Variants in KIFC3 observed in about 807,000 individuals in gnomAD.
KIFC3 encodes the protein kinesin-like protein KIFC3.
A neutral mutation model predicts 101.8 loss-of-function variants in KIFC3; 60 were observed. That is an observed-to-expected ratio of 0.59 (90% CI 0.48 to 0.73). KIFC3 has a LOEUF of 0.73. Ranked by LOEUF, KIFC3 falls within the 30% of genes least tolerant of loss-of-function variation. The pLI, the probability that KIFC3 is intolerant of heterozygous loss-of-function variation, is 0.00. For missense variants in KIFC3, 966 were observed against 1,137.1 expected (o/e 0.85, Z 2.16); for synonymous variants, 476 against 482.7 (o/e 0.99, Z 0.18).
At position 57,855,960 on chromosome 16, in the gene KIFC3, AC is replaced by A. The variant is rs1290704080; in HGVS notation, c.108+6768del. Among the ~76,000 whole-genome samples, 303 of 140,980 alleles carry A rather than the reference AC, an allele frequency of 2.1e-3. 2 individuals carry two copies. The highest frequency in any genetic ancestry group is 7.4e-3 in the African/African-American group (290 of 39,016). The allele number at this position is 140,980 out of a possible 152,430, so 92.5% of individuals were successfully genotyped here. A position where few individuals can be genotyped will look rare whatever the true frequency, so the allele number is the denominator to read the frequency against. ...GACTCCATCTCAAAAAAAAAAAAAA[AC>A]CAAAAACAAAAACAAACTAACAATA... On this transcript the variant is annotated intron_variant, in intron 1 of 2. Transcript: ENST00000563028.
intron 2 of KIFC3, among the ~76,000 whole-genome samples, chr16:57,795,799 T>C (rs1233157120): frequency 2.6e-5 from 4 of 151,222 alleles, no homozygotes; most frequent in Admixed American, 6.6e-5. Flanking sequence ...GCCACTACCC[T>C]GGGGCGTAAC....
At chr16:57,808,072 C>G (rs1272936399), upstream of KIFC3, 1 of 151,934 alleles carries the variant, frequency 6.6e-6, no homozygotes, top group Non-Finnish European at 1.5e-5. Flanking sequence ...TCCCCTAACT[C>G]TCAGTTTAGG....
intron 3 of KIFC3, among the ~76,000 whole-genome samples, chr16:57,784,916 A>T (rs370258185): frequency 2.0e-5 from 3 of 152,346 alleles, no homozygotes; most frequent in East Asian, 3.9e-4. Context: ...GAAGGAGACA[A>T]CGCTGACCTG....
rs1555608017 is a variant in KIFC3, at chr16:57,771,314, G to A, written c.649C>T (p.Leu217=). Reference sequence around the variant, plus strand: ...TCAGCCAGGCAGTCCTTGAGTCGCAGCTCCACCTCAGCCAGCCGGTCGGTC... The same window carrying A: ...TCAGCCAGGCAGTCCTTGAGTCGCAACTCCACCTCAGCCAGCCGGTCGGTC... ...QKTDRLAEVE[L]RLKDCLAEKA... The change falls in exon 6 of 20, where the codon CTG becomes TTG. Residue 217 remains leucine, a synonymous_variant. Transcript: ENST00000445690. 6.2e-7 allele frequency: 1 copy of A among 1,613,626 alleles called. No homozygotes were observed. Among genetic ancestry groups the A allele is most frequent in the Admixed American group, 1.7e-5 (1 of 60,038 alleles).
At position 57,762,202 on chromosome 16, in the gene KIFC3, C is replaced by T; in HGVS notation, c.1686G>A (p.Lys562=). The change falls in exon 13 of 20, where the codon AAG becomes AAA. Residue 562 remains lysine, a synonymous_variant. Transcript: ENST00000445690. ...LQLLFSEVQE[K]ASDWEYTITV... ...TGATGGTGTACTCCCAGTCAGACGC[C>T]TTCTCCTGCACCTCGGAGAAGAGCA... 3.1e-6 allele frequency: 5 copies of T among 1,611,110 alleles called. No individual in the cohort carries two copies. The highest frequency in any genetic ancestry group is 4.2e-6 in the Non-Finnish European group (5 of 1,179,172).
At position 57,760,735 on chromosome 16, in the gene KIFC3, C is replaced by A; in HGVS notation, c.2223G>T (p.Met741Ile). Residue 741 changes from methionine (M) to isoleucine (I), a missense_variant, in exon 16 of 20, where the codon ATG becomes ATT. Around this residue, in one of 2 missense-constraint regions of KIFC3, gnomAD observed 689 missense variants for 884.6 expected, o/e 0.78. Coordinates refer to ENST00000445690, the MANE Select transcript of KIFC3 (RefSeq NM_001130100.2). ...AACCCAAGGTCCTCACCTGTACCAC[C>A]ATGAGGGTCTTGCTGTCACCACTAA... is the stretch of plus-strand genomic sequence containing the variant. ...DSLSGDSKTL[M>I]VVQVSPVEKN... The A allele has an allele frequency of 6.2e-7, 1 of 1,613,544 alleles. No individual in the cohort carries two copies. Among genetic ancestry groups the A allele is most frequent in the South Asian group, 1.1e-5 (1 of 91,074 alleles).
chr16:57,846,031 C>T (rs1341815857), intron 1 of KIFC3, among the ~76,000 whole-genome samples: 1 of 152,186 alleles, frequency 6.6e-6, no homozygotes, highest in Non-Finnish European at 1.5e-5. Flanking sequence ...CATTTGACTT[C>T]CCTGCCCCTC....
At chr16:57,834,543 G>T (rs888138748) in intron 1 of KIFC3, among the ~76,000 whole-genome samples, 2 of 151,694 alleles carry the variant, frequency 1.3e-5, no homozygotes, top group African/African-American at 2.4e-5. Context: ...ACAGGTTCTC[G>T]CTCTGTTGCC....
intron 3 of KIFC3, among the ~76,000 whole-genome samples, chr16:57,787,568 G>C (rs1211388753): frequency 6.6e-6 from 1 of 152,216 alleles, no homozygotes; most frequent in Non-Finnish European, 1.5e-5. Flanking sequence ...GAGATCAAAG[G>C]GGCCCTTGTG....
At chr16:57,840,498 T>C (rs966304974) in intron 1 of KIFC3, among the ~76,000 whole-genome samples, 11 of 151,138 alleles carry the variant, frequency 7.3e-5, no homozygotes, top group African/African-American at 2.7e-4. Context: ...CGGTGGCTCA[T>C]GCCTGTAATC....
intron 1 of KIFC3, among the ~76,000 whole-genome samples, chr16:57,859,498 T>G (rs1388784054): frequency 6.6e-6 from 1 of 152,148 alleles, no homozygotes; most frequent in Non-Finnish European, 1.5e-5. Context: ...AGATACTAAT[T>G]ATAGCTGTTT....
At chr16:57,791,394 A>G (rs1179040850) in intron 3 of KIFC3, among the ~76,000 whole-genome samples, 1 of 152,226 alleles carries the variant, frequency 6.6e-6, no homozygotes, top group Non-Finnish European at 1.5e-5. Context: ...CCTGTTGGCC[A>G]AGCCACAGGA....
At chr16:57,803,746 G>A (rs911560686), upstream of KIFC3, among the ~76,000 whole-genome samples, 2 of 152,198 alleles carry the variant, frequency 1.3e-5, no homozygotes, top group Non-Finnish European at 1.5e-5. Flanking sequence ...CTGATAGAGG[G>A]TGAATGTAAC....
At chr16:57,819,458 A>C (rs1273317972) in intron 1 of KIFC3, among the ~76,000 whole-genome samples, 1 of 152,222 alleles carries the variant, frequency 6.6e-6, no homozygotes, top group Non-Finnish European at 1.5e-5. Flanking sequence ...TCCTGTTTGG[A>C]CACCAGCACA....
intron 1 of KIFC3, among the ~76,000 whole-genome samples, chr16:57,834,950 A>T (rs370560592): frequency 1.3e-5 from 2 of 152,232 alleles, no homozygotes; most frequent in South Asian, 4.1e-4. Context: ...TTTCCCAAGG[A>T]GGTAGATCTG....
rs781941631 is a variant in KIFC3, at chr16:57,785,467, G to C, written c.315+9532C>G. ...CCATCCCAGCCTCCCCAGGTACCTG[G>C]TTCTGCAGCTGGGTGGACGTGGCCT... is the stretch of plus-strand genomic sequence containing the variant. On this transcript the variant is annotated intron_variant, in intron 3 of 19. Transcript: ENST00000445690. 13 of 1,285,256 alleles carry C rather than the reference G, an allele frequency of 1.0e-5. No individual in the cohort carries two copies. In the African/African-American group the frequency reaches 2.0e-4, roughly 20 times the overall value. 79.6% of individuals were successfully genotyped at this position (1,285,256 alleles called of 1,614,324 possible).
chr16:57,765,640 C>G lies in KIFC3; in HGVS notation c.1331G>C (p.Gly444Ala). The change falls in exon 11 of 20, where the codon GGG becomes GCG. Residue 444 changes from glycine to alanine, a missense_variant and splice_region_variant. Gly to Ala is a moderately conservative substitution (Grantham distance 60). Coordinates refer to ENST00000445690, the MANE Select transcript of KIFC3 (RefSeq NM_001130100.2). ...GACACGAGCAATCACTCGGATGTTC[C>G]CTGGATTGGTTGGGGATGGGGAAAT... ...KCHNELVRLK[G>A]NIRVIARVRP... 6 of 1,608,440 alleles carry G rather than the reference C, an allele frequency of 3.7e-6. No homozygotes were observed. Among genetic ancestry groups the G allele is most frequent in the Non-Finnish European group, 5.1e-6 (6 of 1,176,904 alleles).
intron 6 of KIFC3, among the ~76,000 whole-genome samples, 174 bp downstream of exon 6, chr16:57,771,024 G>A (rs541361158): frequency 1.3e-5 from 2 of 152,240 alleles, no homozygotes; most frequent in Non-Finnish European, 2.9e-5. Flanking sequence ...CCTACTCGGT[G>A]CCTGGCCCTG....
chr16:57,848,318 C>T (rs1567340330), intron 1 of KIFC3, among the ~76,000 whole-genome samples: 1 of 152,234 alleles, frequency 6.6e-6, no homozygotes, highest in East Asian at 1.9e-4. Flanking sequence ...CACAGAAAGC[C>T]GAAATTCAGG....
Sources: gnomAD v4.1 joint callset for allele counts (sites outside exome capture counted in the v4.1 genomes callset) on GRCh38, gnomAD v4.1.1 for gene constraint, gnomAD v4.1.1 regional missense constraint, MANE v1.5 for transcripts, NCBI Gene and HGNC (gene_info 2026-07-23, HGNC 2026-07-21) for gene names.